The following PLEKHM3 variants were observed in gnomAD, a reference collection of about 807,000 sequenced individuals.
PLEKHM3 encodes the protein pleckstrin homology domain containing M3, also known as pleckstrin homology domain-containing family M member 3.
A neutral mutation model predicts 81.8 loss-of-function variants in PLEKHM3; 45 were observed. That is an observed-to-expected ratio of 0.55 (90% CI 0.43 to 0.71). The LOEUF is 0.71. Among genes scored for constraint, PLEKHM3 ranks in the 30% least tolerant of loss-of-function variants. The pLI, the probability that PLEKHM3 is intolerant of heterozygous loss-of-function variation, is 0.00. For missense variants in PLEKHM3, 788 were observed against 924.3 expected, an observed-to-expected ratio of 0.85 and a Z score of 1.91; for synonymous variants, 352 against 356.4, an observed-to-expected ratio of 0.99 and a Z score of 0.14.
At chr2:207,882,607 C>T (rs1687732661) in intron 6 of PLEKHM3, among the ~76,000 whole-genome samples, 1 of 84,174 alleles carries the variant, frequency 1.2e-5, no homozygotes, top group African/African-American at 4.7e-5. Flanking sequence ...AGCAAAACTC[C>T]ATCTCAAAAA....
intron 2 of PLEKHM3, among the ~76,000 whole-genome samples, chr2:207,988,334 C>T (rs767431884): frequency 2.3e-4 from 35 of 152,180 alleles, no homozygotes; most frequent in Non-Finnish European, 3.2e-4. Context: ...TTACTGCCTA[C>T]GTGACCGCTG....
At chr2:207,926,541 G>C (rs1689399779) in intron 5 of PLEKHM3, among the ~76,000 whole-genome samples, 1 of 152,178 alleles carries the variant, frequency 6.6e-6, no homozygotes, top group African/African-American at 2.4e-5. Context: ...TGTATGCCCA[G>C]ATTTTCCACA....
At chr2:207,988,613 TG>T (rs1356931462) in intron 2 of PLEKHM3, among the ~76,000 whole-genome samples, 1 of 152,182 alleles carries the variant, frequency 6.6e-6, no homozygotes, top group Non-Finnish European at 1.5e-5. Context: ...CTCTATAATA[TG>T]TTGCAATTCT....
intron 1 of PLEKHM3, among the ~76,000 whole-genome samples, chr2:208,017,105 C>A (rs1692948152): frequency 6.6e-6 from 1 of 152,176 alleles, no homozygotes. Flanking sequence ...CCTTTTGGAA[C>A]TCTGTGGAAT....
rs187889705 is a variant in PLEKHM3 at position 207,821,667 on chromosome 2, G to C, written c.*6652C>G. ...CAGGAGCTACAGAACAAGTTTTGCA[G>C]AAGTTTTTTACATCACCACGTTCAA... On this transcript the variant is annotated 3_prime_UTR_variant, in exon 8 of 8. Transcript: ENST00000427836. 2.0e-4 allele frequency: 31 copies of C among 152,134 alleles called. No homozygotes were observed. Among genetic ancestry groups the C allele is most frequent in the African/African-American group, 7.5e-4 (31 of 41,502 alleles). 9.4% of individuals were successfully genotyped at this position (152,134 alleles called of 1,614,324 possible). A position where few individuals can be genotyped will look rare whatever the true frequency, so the allele number is the denominator to read the frequency against.
At chr2:207,840,869 C>T (rs111287703) in intron 7 of PLEKHM3, among the ~76,000 whole-genome samples, 6,552 of 141,728 alleles carry the variant, frequency 0.046, 308 homozygotes, top group African/African-American at 0.12. Flanking sequence ...AGTGTGATCT[C>T]GGCTCACTGC....
chr2:207,957,825 T>C (rs1166623781), intron 3 of PLEKHM3, among the ~76,000 whole-genome samples: 1 of 152,326 alleles, frequency 6.6e-6, no homozygotes, highest in Admixed American at 6.5e-5. Flanking sequence ...ATTGTAGGCC[T>C]TGACCTTTGG....
At chr2:207,923,907 T>A (rs9749868) in intron 5 of PLEKHM3, among the ~76,000 whole-genome samples, 835 of 65,120 alleles carry the variant, frequency 0.013, 1 homozygote, top group African/African-American at 0.03. Flanking sequence ...ATATATATAT[T>A]TTTTTTTTTT....
rs201923626 is a variant in PLEKHM3, at chr2:207,863,868, ATGG to A, written c.1951-2609_1951-2607del. The stretch of plus-strand genomic sequence containing the variant: ...TATGAAAAAGAGATAAATAAATATA[ATGG>A]TGGTTAACTCTAGGGAGGGCAATAA... On this transcript the variant is annotated intron_variant, in intron 6 of 7. Coordinates refer to ENST00000427836, the MANE Select transcript of PLEKHM3 (RefSeq NM_001080475.3). Among the ~76,000 whole-genome samples the A allele has an allele frequency of 5.6e-3, 854 of 152,080 alleles. 11 individuals carry two copies. Among genetic ancestry groups the A allele is most frequent in the African/African-American group, 0.019 (809 of 41,528 alleles).
chr2:207,841,205 G>A (rs1037522605), intron 7 of PLEKHM3, among the ~76,000 whole-genome samples: 10 of 151,200 alleles, frequency 6.6e-5, no homozygotes, highest in South Asian at 6.3e-4. Context: ...GGTGGCTCAC[G>A]CCTGTAATCC....
rs1274937921 is a variant in PLEKHM3, at chr2:208,001,207, G to C, written c.433C>G (p.Pro145Ala). The C allele has an allele frequency of 6.2e-7, 1 of 1,614,104 alleles. No individual in the cohort carries two copies. Among genetic ancestry groups the C allele is most frequent in the Admixed American group, 1.7e-5 (1 of 60,004 alleles). The change falls in exon 2 of 8, where the codon CCA (proline) becomes GCA (alanine). Residue 145 changes from proline to alanine, a missense_variant. By Grantham distance (27) the Pro-to-Ala change is conservative (BLOSUM62 -1). Coordinates refer to ENST00000427836, the MANE Select transcript of PLEKHM3 (RefSeq NM_001080475.3). Reference protein sequence around the residue: ...DLLDETSTFKPGHARSRSDIT... With the variant: ...DLLDETSTFKAGHARSRSDIT... The stretch of plus-strand genomic sequence containing the variant: ...TCTGATCGTGATCGAGCATGCCCTG[G>C]CTTGAAAGTTGAGGTCTCATCCAGT...
At chr2:207,828,551 A>C in intron 7 of PLEKHM3, 55 bp from the exon 8 acceptor site, 1 of 1,558,890 alleles carries the variant, frequency 6.4e-7, no homozygotes, top group Non-Finnish European at 8.7e-7. Context: ...CAAGACACAA[A>C]TGGGAAGCCC....
Position 207,822,500 on chromosome 2 carries a change from T to C in PLEKHM3, c.*5819A>G, listed in dbSNP as rs1403493492. 1.3e-5 allele frequency: 2 copies of C among 153,122 alleles called. No homozygotes were observed. Among genetic ancestry groups the C allele is most frequent in the East Asian group, 1.9e-4 (1 of 5,192 alleles). 9.5% of individuals were successfully genotyped at this position (153,122 alleles called of 1,614,324 possible). A position where few individuals can be genotyped will look rare whatever the true frequency, so the allele number is the denominator to read the frequency against. On this transcript the variant is annotated 3_prime_UTR_variant, in exon 8 of 8. Transcript: ENST00000427836. ...ACAAACAAATAAACAAAAAGAGCGA[T>C]TGAAGAACAGCATAAAACAAAGTGA...
At chr2:207,961,401 G>C (rs1574446861) in intron 3 of PLEKHM3, among the ~76,000 whole-genome samples, 1 of 152,148 alleles carries the variant, frequency 6.6e-6, no homozygotes, top group Non-Finnish European at 1.5e-5. Flanking sequence ...CACAGTCCTT[G>C]GTACACTGAT....
At chr2:207,996,116 C>G (rs1692112309) in intron 2 of PLEKHM3, among the ~76,000 whole-genome samples, 1 of 152,182 alleles carries the variant, frequency 6.6e-6, no homozygotes, top group Non-Finnish European at 1.5e-5. Context: ...AAATAGCTCT[C>G]CAAGACCAGA....
intron 6 of PLEKHM3, among the ~76,000 whole-genome samples, chr2:207,862,937 A>G (rs1395680513): frequency 1.3e-5 from 2 of 152,170 alleles, no homozygotes; most frequent in Non-Finnish European, 2.9e-5. Flanking sequence ...TGTCTGCTCC[A>G]AGCCAAGGCT....
intron 2 of PLEKHM3, 89 bp downstream of exon 2, chr2:208,000,941 G>A: frequency 1.7e-6 from 2 of 1,191,278 alleles, no homozygotes; most frequent in South Asian, 3.5e-5. Flanking sequence ...TTCAGTAGAA[G>A]TCAGATATAA....
In PLEKHM3 at chr2:207,976,832, G is replaced by T. The variant is rs1691328576; in HGVS notation, c.1365C>A (p.Ala455=). ...QEWMEALKIA[A]NVARSSEQNL... ...TTTGCTCTGAACTCCTCGCCACATT[G>T]GCAGCTATCTTCAGAGCCTCCATCC... Residue 455 remains alanine (A), a synonymous_variant, in exon 3 of 8, where the codon GCC becomes GCA. Coordinates refer to ENST00000427836, the MANE Select transcript of PLEKHM3 (RefSeq NM_001080475.3). The surrounding 1 kb of genome is among the most constrained non-coding windows in gnomAD (Gnocchi z 4.1). 6.2e-7 allele frequency: 1 copy of T among 1,614,212 alleles called. No individual in the cohort carries two copies. Among genetic ancestry groups the T allele is most frequent in the East Asian group, 2.2e-5 (1 of 44,874 alleles).
intron 5 of PLEKHM3, among the ~76,000 whole-genome samples, chr2:207,927,599 G>A (rs1689444067): frequency 6.6e-6 from 1 of 150,756 alleles, no homozygotes. Context: ...GGAGGCTGAG[G>A]CAGGCGGATC....
Sources: gnomAD v4.1 joint callset for allele counts (sites outside exome capture counted in the v4.1 genomes callset) on GRCh38, gnomAD v4.1.1 for gene constraint, Gnocchi (gnomAD v3.1) non-coding constraint, MANE v1.5 for transcripts, NCBI Gene and HGNC (gene_info 2026-07-23, HGNC 2026-07-21) for gene names.